FMNL2: variants seen among roughly 807,000 people sequenced by gnomAD.
The protein encoded by FMNL2 is formin-like protein 2.
Under a neutral mutation model 130.2 loss-of-function variants are expected in FMNL2, and 51 were observed. The observed-to-expected ratio is 0.39, with a 90% CI of 0.31 to 0.49. The LOEUF is 0.49. FMNL2 is among the 20% of genes least tolerant of loss of function. The probability of loss-of-function intolerance (pLI) is 0.85; values close to 1 mark genes in which losing one functional copy is unlikely to be tolerated. For synonymous variants in FMNL2, 465 were observed against 467.1 expected (o/e 1.00, Z 0.06); for missense variants, 977 against 1,316.2 (o/e 0.74, Z 3.99).
intron 9 of FMNL2, among the ~76,000 whole-genome samples, chr2:152,598,839 A>AT (rs1392180385): frequency 2.6e-5 from 4 of 152,258 alleles, no homozygotes; most frequent in African/African-American, 7.2e-5. Flanking sequence ...AGGAAACATT[A>AT]TGGGAATTGC....
intron 1 of FMNL2, among the ~76,000 whole-genome samples, chr2:152,406,137 G>T (rs2105980098): frequency 7.7e-6 from 1 of 129,248 alleles, no homozygotes; most frequent in South Asian, 2.3e-4. Flanking sequence ...GTCTATAAGT[G>T]TATGCTGCAC....
intron 1 of FMNL2, among the ~76,000 whole-genome samples, chr2:152,486,975 T>C (rs1690864114): frequency 1.3e-5 from 2 of 152,250 alleles, no homozygotes. Flanking sequence ...AGTCAAGTTA[T>C]ATTAATTTAA....
intron 9 of FMNL2, among the ~76,000 whole-genome samples, chr2:152,584,418 A>T (rs982501416): frequency 5.3e-5 from 8 of 152,138 alleles, no homozygotes; most frequent in African/African-American, 1.9e-4. Flanking sequence ...TCATCTGCCT[A>T]AGAAGGATGA....
At chr2:152,549,888 T>C (rs1417596736) in intron 4 of FMNL2, among the ~76,000 whole-genome samples, 1 of 152,210 alleles carries the variant, frequency 6.6e-6, no homozygotes, top group African/African-American at 2.4e-5. Flanking sequence ...TGGTTTTGAT[T>C]CTTTGAGCTT....
intron 2 of FMNL2, among the ~76,000 whole-genome samples, chr2:152,526,866 C>G (rs1369602314): frequency 6.6e-6 from 1 of 151,806 alleles, no homozygotes. Flanking sequence ...AAATTTTTCT[C>G]TTGTATTCAA....
chr2:152,469,292 C>T (rs1026642451), intron 1 of FMNL2, among the ~76,000 whole-genome samples: 2 of 152,332 alleles, frequency 1.3e-5, no homozygotes, highest in Admixed American at 6.5e-5. Flanking sequence ...ATGTGTAACA[C>T]CGAGGAGGAA....
chr2:152,395,112 T>A (rs1204063469), intron 1 of FMNL2, among the ~76,000 whole-genome samples: 1 of 152,210 alleles, frequency 6.6e-6, no homozygotes, highest in African/African-American at 2.4e-5. Context: ...TTAAAAAAAA[T>A]CTGTTAACAT....
At chr2:152,425,852 C>A (rs1687175022) in intron 1 of FMNL2, among the ~76,000 whole-genome samples, 2 of 151,950 alleles carry the variant, frequency 1.3e-5, no homozygotes, top group South Asian at 4.1e-4. Context: ...AAACGACTTC[C>A]CCCATCCCAT....
intron 9 of FMNL2, among the ~76,000 whole-genome samples, chr2:152,598,510 G>A (rs1468081115): frequency 2.0e-5 from 3 of 152,138 alleles, no homozygotes; most frequent in Non-Finnish European, 4.4e-5. Context: ...CCAACATGGC[G>A]AAACCCCGTT....
At chr2:152,387,179 A>AT (rs72543949) in intron 1 of FMNL2, among the ~76,000 whole-genome samples, 1 of 14,904 alleles carries the variant, frequency 6.7e-5, no homozygotes, top group Admixed American at 9.7e-4. Context: ...ACCAAAGCCC[A>AT]ACTGTTATCT....
chr2:152,436,674 G>C (rs1413220892), intron 1 of FMNL2, among the ~76,000 whole-genome samples: 1 of 152,056 alleles, frequency 6.6e-6, no homozygotes, highest in African/African-American at 2.4e-5. Flanking sequence ...TGCCACCTTT[G>C]CCTGGAAGTG....
chr2:152,392,313 TC>T (rs998557696), intron 1 of FMNL2, among the ~76,000 whole-genome samples: 2 of 152,038 alleles, frequency 1.3e-5, no homozygotes, highest in African/African-American at 4.8e-5. Flanking sequence ...GACTTTTCTC[TC>T]CCCCCCACTC....
At chr2:152,527,188 C>T (rs977639257) in intron 2 of FMNL2, among the ~76,000 whole-genome samples, 9 of 152,140 alleles carry the variant, frequency 5.9e-5, no homozygotes, top group African/African-American at 2.2e-4. Context: ...AGAAGTTAGA[C>T]TTGAAGTCAT....
chr2:152,412,446 T>TATATATACAGATATATATAA (rs1686344924), intron 1 of FMNL2, among the ~76,000 whole-genome samples: 2 of 103,254 alleles, frequency 1.9e-5, no homozygotes, highest in Non-Finnish European at 3.6e-5. Flanking sequence ...TCTGTATATT[T>TATATATACAGATATATATAA]TATATATATA....
rs1699092133 is a variant in FMNL2 at position 152,618,998 on chromosome 2, G to A, written c.1467G>A (p.Gly489=). Residue 489 remains glycine, a synonymous_variant, in exon 14 of 26, where the codon GGG becomes GGA. Transcript: ENST00000288670. ...TTAAAATTCAGAAGAAAGGGGATGGGGATATCGCCATACTGCCAGTTGTGG... is the reference window on the plus strand; with the variant it reads ...TTAAAATTCAGAAGAAAGGGGATGGAGATATCGCCATACTGCCAGTTGTGG... ...GTIKIQKKGD[G]DIAILPVVAS... The A allele has an allele frequency of 2.5e-6, 4 of 1,613,938 alleles. No individual in the cohort carries two copies. The highest frequency in any genetic ancestry group is 3.4e-6 in the Non-Finnish European group (4 of 1,179,918).
intron 1 of FMNL2, among the ~76,000 whole-genome samples, chr2:152,490,117 G>A (rs1691061241): frequency 6.6e-6 from 1 of 152,102 alleles, no homozygotes; most frequent in Non-Finnish European, 1.5e-5. Context: ...GTGCCTGGGG[G>A]ATATTTAAAA....
intron 1 of FMNL2, among the ~76,000 whole-genome samples, chr2:152,345,285 A>G (rs547025031): frequency 2.0e-5 from 3 of 152,310 alleles, no homozygotes; most frequent in East Asian, 3.9e-4. Context: ...GAAGATGACA[A>G]TTTTACAGTG....
intron 1 of FMNL2, among the ~76,000 whole-genome samples, chr2:152,470,399 A>AT (rs1248399180): frequency 7.9e-5 from 12 of 152,218 alleles, no homozygotes; most frequent in African/African-American, 2.9e-4. Context: ...TCACTTGAAG[A>AT]TTTAGATGAA....
At chr2:152,540,848 TTAATAA>T (rs1023663656) in intron 2 of FMNL2, among the ~76,000 whole-genome samples, 5 of 152,068 alleles carry the variant, frequency 3.3e-5, no homozygotes, top group Admixed American at 2.0e-4. Context: ...TAATTAAAAA[TTAATAA>T]TAATAATAAG....
Sources: allele counts gnomAD v4.1 joint callset (sites outside exome capture counted in the v4.1 genomes callset), GRCh38; gene constraint gnomAD v4.1.1; transcripts MANE v1.5; gene names NCBI Gene and HGNC (gene_info 2026-07-23, HGNC 2026-07-21).